Variants in RSRC1 observed in about 807,000 individuals in gnomAD.
RSRC1 encodes the protein serine/Arginine-related protein 53.
A neutral mutation model predicts 49.1 loss-of-function variants in RSRC1; 39 were observed. The observed-to-expected ratio is 0.79, with a 90% CI of 0.61 to 1.04. The LOEUF (loss-of-function observed/expected upper bound fraction) is 1.04, where lower values mean the gene tolerates loss of function less well. RSRC1 is among the 50% of genes least tolerant of loss of function. RSRC1 has a pLI of 0.00. For synonymous variants in RSRC1, 143 were observed against 130.8 expected (o/e 1.09, Z -0.63); for missense variants, 388 against 402.4 (o/e 0.96, Z 0.31).
chr3:158,144,822 C>A (rs1716980424), intron 3 of RSRC1, among the ~76,000 whole-genome samples: 1 of 152,172 alleles, frequency 6.6e-6, no homozygotes, highest in Non-Finnish European at 1.5e-5. Context: ...CTAATGATCG[C>A]CATTCTTACT....
intron 7 of RSRC1, among the ~76,000 whole-genome samples, chr3:158,527,077 C>CTTTTTT (rs543523088): frequency 2.7e-5 from 3 of 110,176 alleles, no homozygotes; most frequent in Admixed American, 9.8e-5. Flanking sequence ...AGTTCAAAAT[C>CTTTTTT]TTTTTTTTTT....
intron 6 of RSRC1, among the ~76,000 whole-genome samples, chr3:158,385,327 C>G (rs561700387): frequency 6.6e-6 from 1 of 152,126 alleles, no homozygotes; most frequent in South Asian, 2.1e-4. Flanking sequence ...TACTATAAAC[C>G]ATTCATCTAT....
intron 4 of RSRC1, among the ~76,000 whole-genome samples, chr3:158,249,285 C>T (rs1724074996): frequency 6.6e-6 from 1 of 152,152 alleles, no homozygotes; most frequent in South Asian, 2.1e-4. Flanking sequence ...ACCTCGCATC[C>T]ACTCTCCCTC....
At chr3:158,230,189 TTTCTTCATGA>T (rs1722872361) in intron 4 of RSRC1, among the ~76,000 whole-genome samples, 1 of 152,144 alleles carries the variant, frequency 6.6e-6, no homozygotes, top group Non-Finnish European at 1.5e-5. Context: ...TTGTCTAATG[TTTCTTCATGA>T]TTGGAATCAG....
At chr3:158,189,562 G>A (rs984193712) in intron 3 of RSRC1, among the ~76,000 whole-genome samples, 25 of 151,894 alleles carry the variant, frequency 1.6e-4, no homozygotes, top group African/African-American at 5.8e-4. Flanking sequence ...ACATTGGTAT[G>A]GTTTCACCAT....
chr3:158,414,725 G>GA (rs142355467), intron 6 of RSRC1, among the ~76,000 whole-genome samples: 5,204 of 149,400 alleles, frequency 0.035, 307 homozygotes, highest in African/African-American at 0.12. Context: ...CTGTTTCTTA[G>GA]AAAAAAAAAT....
chr3:158,478,049 AC>A (rs1388535777), intron 7 of RSRC1, among the ~76,000 whole-genome samples: 1 of 151,050 alleles, frequency 6.6e-6, no homozygotes, highest in Non-Finnish European at 1.5e-5. Flanking sequence ...ACAGAGTGAA[AC>A]CCCCATCTCT....
At chr3:158,537,048 C>T in intron 7 of RSRC1, 44 bp from the exon 8 acceptor site, 1 of 1,268,894 alleles carries the variant, frequency 7.9e-7, no homozygotes, top group Non-Finnish European at 1.2e-6. Flanking sequence ...GTGTTATTAA[C>T]ATGCTTACAC....
At chr3:158,514,522 G>T (rs1277259742) in intron 7 of RSRC1, among the ~76,000 whole-genome samples, 2 of 152,142 alleles carry the variant, frequency 1.3e-5, no homozygotes, top group African/African-American at 4.8e-5. Flanking sequence ...TTGCTGAGGA[G>T]AGCTTTACTT....
intron 6 of RSRC1, among the ~76,000 whole-genome samples, chr3:158,407,920 A>T (rs1033199965): frequency 1.3e-5 from 2 of 152,200 alleles, no homozygotes; most frequent in Non-Finnish European, 2.9e-5. Flanking sequence ...AAATGCAAGG[A>T]TTAATGAAAA....
chr3:158,244,557 A>G (rs149466730), intron 4 of RSRC1, among the ~76,000 whole-genome samples: 151 of 152,320 alleles, frequency 9.9e-4, no homozygotes, highest in African/African-American at 3.4e-3. Context: ...ATCAATGTTC[A>G]TCAAGGATAT....
intron 5 of RSRC1, among the ~76,000 whole-genome samples, chr3:158,314,124 CTT>C (rs978791871): frequency 2.0e-5 from 3 of 152,072 alleles, no homozygotes; most frequent in African/African-American, 7.2e-5. Context: ...GAATCTCACT[CTT>C]GTTACCCAGG....
intron 3 of RSRC1, among the ~76,000 whole-genome samples, chr3:158,126,380 C>T (rs1715630494): frequency 6.6e-6 from 1 of 151,396 alleles, no homozygotes; most frequent in South Asian, 2.1e-4. Flanking sequence ...TGTATATGTT[C>T]TATAGGTATT....
chr3:158,354,752 A>C (rs1731066150), intron 5 of RSRC1, 105 bp from the exon 6 acceptor site: 1 of 803,672 alleles, frequency 1.2e-6, no homozygotes, highest in South Asian at 1.7e-5. Context: ...AAGCTCTTTA[A>C]ATTTCCTAAT....
At chr3:158,378,976 A>G (rs938941054) in intron 6 of RSRC1, among the ~76,000 whole-genome samples, 11 of 152,144 alleles carry the variant, frequency 7.2e-5, no homozygotes, top group African/African-American at 2.4e-4. Flanking sequence ...CAGTTGATCT[A>G]TCAGCGACTT....
intron 6 of RSRC1, among the ~76,000 whole-genome samples, chr3:158,428,188 AGTCTAATACACCT>A (rs1735569372): frequency 6.6e-6 from 1 of 151,810 alleles, no homozygotes; most frequent in Non-Finnish European, 1.5e-5. Flanking sequence ...CATATAGATA[AGTCTAATACACCT>A]CCAGCCAGAT....
intron 3 of RSRC1, among the ~76,000 whole-genome samples, chr3:158,153,876 G>T (rs922904652): frequency 6.6e-6 from 1 of 152,144 alleles, no homozygotes; most frequent in Non-Finnish European, 1.5e-5. Context: ...GTGATCTTAG[G>T]TAGAGTAAAT....
chr3:158,364,145 G>A (rs188666483), intron 6 of RSRC1, among the ~76,000 whole-genome samples: 32 of 152,254 alleles, frequency 2.1e-4, no homozygotes, highest in African/African-American at 6.5e-4. Context: ...TCTAAAGTCC[G>A]TTGTAGTGTT....
intron 1 of RSRC1, among the ~76,000 whole-genome samples, chr3:158,115,053 A>G (rs1192604599): frequency 2.6e-5 from 4 of 152,080 alleles, no homozygotes; most frequent in Non-Finnish European, 5.9e-5. Context: ...GAGTGGTGAG[A>G]GAGGACATCC....
Sources: allele counts gnomAD v4.1 joint callset (sites outside exome capture counted in the v4.1 genomes callset), GRCh38; gene constraint gnomAD v4.1.1; transcripts MANE v1.5; gene names NCBI Gene and HGNC (gene_info 2026-07-23, HGNC 2026-07-21).